Variants in ANKRD30A observed in about 807,000 individuals in gnomAD.
ANKRD30A encodes the protein ankyrin repeat domain 30A.
A neutral mutation model predicts 166.3 loss-of-function variants in ANKRD30A; 170 were observed. The observed-to-expected ratio is 1.02, with a 90% CI of 0.90 to 1.16. The LOEUF is 1.16. Ranked by LOEUF, ANKRD30A falls within the 50% of genes most tolerant of loss-of-function variation. The pLI, the probability that ANKRD30A is intolerant of heterozygous loss-of-function variation, is 0.00. For synonymous variants in ANKRD30A, 564 were observed against 508.9 expected, an observed-to-expected ratio of 1.11 and a Z score of -1.46; for missense variants, 1,630 against 1,518.0, an observed-to-expected ratio of 1.07 and a Z score of -1.23.
the ANKRD30A span, among the ~76,000 whole-genome samples, chr10:37,241,768 A>G: frequency 6.6e-6 from 1 of 152,190 alleles, no homozygotes; most frequent in Non-Finnish European, 1.5e-5. Flanking sequence ...TCATGAAAAA[A>G]TAAGGTTTTC....
intron 7 of ANKRD30A, among the ~76,000 whole-genome samples, chr10:37,144,516 A>G (rs576794835): frequency 1.2e-3 from 178 of 152,320 alleles, no homozygotes; most frequent in African/African-American, 4.1e-3. Context: ...AGGGTTGGAC[A>G]TATATTTTGC....
At chr10:37,165,770 T>C (rs866765196) in intron 18 of ANKRD30A, among the ~76,000 whole-genome samples, 2 of 152,110 alleles carry the variant, frequency 1.3e-5, no homozygotes, top group Non-Finnish European at 2.9e-5. Context: ...TGAGTCCCCT[T>C]ATGGCAGTCA....
At chr10:37,260,162 A>C in the ANKRD30A span, among the ~76,000 whole-genome samples, 1 of 152,126 alleles carries the variant, frequency 6.6e-6, no homozygotes, top group Non-Finnish European at 1.5e-5. Context: ...GAAAACTAAA[A>C]AAGAAAAAAT....
chr10:37,225,303 A>G (rs1190306897), intron 34 of ANKRD30A, among the ~76,000 whole-genome samples: 1 of 151,688 alleles, frequency 6.6e-6, no homozygotes, highest in Non-Finnish European at 1.5e-5. Context: ...TAATTTATTG[A>G]CTTGTTTCTT....
At chr10:37,258,962 CAAAAAAAAAA>C in the ANKRD30A span, among the ~76,000 whole-genome samples, 1 of 45,566 alleles carries the variant, frequency 2.2e-5, no homozygotes, top group South Asian at 8.7e-4. Context: ...GACTCCATCT[CAAAAAAAAAA>C]AAAAAAAAAA....
At chr10:37,254,345 A>G in the ANKRD30A span, among the ~76,000 whole-genome samples, 1 of 152,136 alleles carries the variant, frequency 6.6e-6, no homozygotes, top group African/African-American at 2.4e-5. Context: ...TGTATGAAAG[A>G]TCTAATTTCT....
chr10:37,146,041 T>A (rs2132543364), intron 8 of ANKRD30A, among the ~76,000 whole-genome samples: 1 of 152,374 alleles, frequency 6.6e-6, no homozygotes. Flanking sequence ...TAGTCCAAGG[T>A]CACAACTGTG....
chr10:37,247,797 G>A, the ANKRD30A span, among the ~76,000 whole-genome samples: 4 of 150,962 alleles, frequency 2.6e-5, no homozygotes, highest in Non-Finnish European at 5.9e-5. Context: ...CAGGGGAATG[G>A]CATGAACCCG....
At chr10:37,160,345 A>C (rs1838754609) in intron 15 of ANKRD30A, among the ~76,000 whole-genome samples, 1 of 152,208 alleles carries the variant, frequency 6.6e-6, no homozygotes, top group Admixed American at 6.5e-5. Context: ...AACCATGAAA[A>C]TTATGACATT....
At chr10:37,191,851 C>T (rs552370841) in intron 25 of ANKRD30A, among the ~76,000 whole-genome samples, 8 of 151,908 alleles carry the variant, frequency 5.3e-5, no homozygotes, top group East Asian at 1.9e-4. Context: ...AAAAATCAGC[C>T]GGGCGTGGTG....
At chr10:37,255,198 TA>T in the ANKRD30A span, among the ~76,000 whole-genome samples, 1 of 152,166 alleles carries the variant, frequency 6.6e-6, no homozygotes, top group Non-Finnish European at 1.5e-5. Flanking sequence ...TGTTCTCATT[TA>T]AAAATGGGAA....
chr10:37,243,361 GT>G, the ANKRD30A span, among the ~76,000 whole-genome samples: 2 of 150,918 alleles, frequency 1.3e-5, no homozygotes, highest in Admixed American at 6.6e-5. Context: ...AGCCAGGATG[GT>G]CTGGATCTCC....
Position 37,219,097 on chromosome 10 carries a change from G to GAAAATA in ANKRD30A, c.3388_3393dup (p.Asn1130_Lys1131dup). The GAAAATA allele has an allele frequency of 6.2e-7, 1 of 1,609,236 alleles. No individual in the cohort carries two copies. Among genetic ancestry groups the GAAAATA allele is most frequent in the South Asian group, 1.1e-5 (1 of 90,800 alleles). Reference sequence around the variant, plus strand: ...ACTGAAACACCAATACCAGGAAAAGGAAAATAAATACTTTGAGGACATTAA... The same window carrying GAAAATA: ...ACTGAAACACCAATACCAGGAAAAGGAAAATAAAAATAAATACTTTGAGGACATTAA... On this transcript the variant is annotated inframe_insertion, in exon 34 of 36. Transcript: ENST00000361713.
At chr10:37,140,949 T>G (rs565180258) in intron 6 of ANKRD30A, among the ~76,000 whole-genome samples, 3 of 152,280 alleles carry the variant, frequency 2.0e-5, no homozygotes, top group African/African-American at 7.2e-5. Context: ...AATTTCTGCA[T>G]TTTTCCAACA....
At chr10:37,136,332 A>C (rs1251861110) in intron 5 of ANKRD30A, among the ~76,000 whole-genome samples, 3 of 152,182 alleles carry the variant, frequency 2.0e-5, no homozygotes, top group Non-Finnish European at 4.4e-5. Context: ...TTTCTGAGTT[A>C]GGGAGATTTT....
intron 5 of ANKRD30A, among the ~76,000 whole-genome samples, chr10:37,136,399 G>C (rs1183973028): frequency 6.6e-6 from 1 of 152,142 alleles, no homozygotes; most frequent in Non-Finnish European, 1.5e-5. Context: ...CTAAATGCAT[G>C]AGTATTTCAT....
At chr10:37,166,746 C>T (rs4007145) in intron 19 of ANKRD30A, 51 bp downstream of exon 19, 185 of 1,607,726 alleles carry the variant, frequency 1.2e-4, no homozygotes, top group South Asian at 8.7e-4. Context: ...TTTCTCTAAA[C>T]TGATGAGGAA....
chr10:37,232,695 A>ATATATATATATATATATATAT (rs1564604874), downstream of ANKRD30A: 18 of 10,804 alleles, frequency 1.7e-3, no homozygotes, highest in East Asian at 4.8e-3. Context: ...TATATATATA[A>ATATATATATATATATATATAT]ATAGAGAGAG....
intron 31 of ANKRD30A, among the ~76,000 whole-genome samples, chr10:37,215,140 TA>T (rs1842537481): frequency 6.6e-6 from 1 of 151,636 alleles, no homozygotes; most frequent in African/African-American, 2.4e-5. Context: ...GAGTTACTTA[TA>T]AACAGCTTGA....
Sources: allele counts gnomAD v4.1 joint callset (sites outside exome capture counted in the v4.1 genomes callset), GRCh38; gene constraint gnomAD v4.1.1; transcripts MANE v1.5; gene names NCBI Gene and HGNC (gene_info 2026-07-23, HGNC 2026-07-21).